The following MYO10 variants were observed in gnomAD, a reference collection of about 807,000 sequenced individuals.
The protein encoded by MYO10 is myosin X.
A neutral mutation model predicts 257.3 loss-of-function variants in MYO10; 133 were observed. That is an observed-to-expected ratio of 0.52 (90% CI 0.45 to 0.60). The LOEUF is 0.60. MYO10 is among the 20% of genes least tolerant of loss of function. MYO10 has a pLI of 0.00. For synonymous variants in MYO10, 1,104 were observed against 1,028.6 expected (o/e 1.07, Z -1.40); for missense variants, 2,399 against 2,635.7 (o/e 0.91, Z 1.97).
chr5:16,874,261 G>A (rs1168514914), intron 2 of MYO10, among the ~76,000 whole-genome samples: 1 of 148,286 alleles, frequency 6.7e-6, no homozygotes, highest in Non-Finnish European at 1.5e-5. Context: ...GTGAACCCGG[G>A]ACGTAGAGCT....
At chr5:16,784,312 AG>A (rs1289569564) in intron 4 of MYO10, among the ~76,000 whole-genome samples, 4 of 152,240 alleles carry the variant, frequency 2.6e-5, no homozygotes, top group Non-Finnish European at 2.9e-5. Flanking sequence ...GATGCTTCAG[AG>A]GCAAGTGCAG....
rs74380883 is a variant in MYO10 at position 16,917,379 on chromosome 5, A to C, written c.21+18409T>G. 2.8e-4 allele frequency among the ~76,000 whole-genome samples: 42 copies of C among 152,268 alleles called. 1 individual carries two copies. The East Asian group carries it at 5.6e-3, about 20-fold the overall frequency. On this transcript the variant is annotated intron_variant, in intron 1 of 40. Transcript: ENST00000513610. ...ACTATTGACCTATTAGACTGGATCAATCTTCATTGTGGGGGCTGCCCTCTG... is the reference window on the plus strand; with the variant it reads ...ACTATTGACCTATTAGACTGGATCACTCTTCATTGTGGGGGCTGCCCTCTG...
Position 16,771,811 on chromosome 5 carries a change from G to A in MYO10, c.931-2608C>T, listed in dbSNP as rs186548637. 2.6e-3 allele frequency among the ~76,000 whole-genome samples: 390 copies of A among 151,256 alleles called. 1 individual carries two copies. Among genetic ancestry groups the A allele is most frequent in the African/African-American group, 9.1e-3 (378 of 41,316 alleles). ...GCCCAAGCCAGTCTCAAACTCCTGCGCTCAAGCAATCTGCCCACCTAGGTC... is the reference window on the plus strand; with the variant it reads ...GCCCAAGCCAGTCTCAAACTCCTGCACTCAAGCAATCTGCCCACCTAGGTC... On this transcript the variant is annotated intron_variant, in intron 9 of 40. Transcript: ENST00000513610.
chr5:16,675,979 G>A (rs1335441587), intron 34 of MYO10, 52 bp downstream of exon 34: 3 of 1,558,338 alleles, frequency 1.9e-6, no homozygotes, highest in Non-Finnish European at 2.6e-6. Flanking sequence ...AGAGTTAGCA[G>A]GGCAAGTGGA....
At chr5:16,668,130 TG>T in intron 40 of MYO10, 146 bp downstream of exon 40, 1 of 785,876 alleles carries the variant, frequency 1.3e-6, no homozygotes, top group Non-Finnish European at 1.9e-6. Flanking sequence ...AACCGGCAGC[TG>T]GAAAGGGACC....
At chr5:16,899,947 G>A (rs1347296568) in intron 1 of MYO10, among the ~76,000 whole-genome samples, 3 of 133,916 alleles carry the variant, frequency 2.2e-5, no homozygotes, top group African/African-American at 5.6e-5. Flanking sequence ...GCAGTGAGCA[G>A]AGATCGCAGC....
At chr5:16,865,617 C>T (rs1157429630) in intron 2 of MYO10, among the ~76,000 whole-genome samples, 6 of 151,968 alleles carry the variant, frequency 3.9e-5, no homozygotes, top group Non-Finnish European at 8.8e-5. Flanking sequence ...TCAAGACCAG[C>T]GTGACCAATA....
At chr5:16,830,795 G>T (rs925515076) in intron 2 of MYO10, among the ~76,000 whole-genome samples, 2 of 151,874 alleles carry the variant, frequency 1.3e-5, no homozygotes, top group African/African-American at 4.8e-5. Context: ...ATAGGCAAAA[G>T]CTGAAAAAGC....
intron 19 of MYO10, among the ~76,000 whole-genome samples, chr5:16,744,154 G>C (rs947022841): frequency 1.1e-4 from 16 of 152,124 alleles, no homozygotes; most frequent in African/African-American, 3.9e-4. Flanking sequence ...TCTTAAAACA[G>C]TTAGATTTTC....
At chr5:16,893,295 A>ATGCCTCTT (rs780621095) in intron 1 of MYO10, among the ~76,000 whole-genome samples, 42 of 151,768 alleles carry the variant, frequency 2.8e-4, no homozygotes, top group Non-Finnish European at 5.6e-4. Flanking sequence ...AATGACATAA[A>ATGCCTCTT]TGCCTCTTTG....
chr5:16,676,287 G>T, intron 33 of MYO10, 133 bp from the exon 34 acceptor site: 1 of 996,092 alleles, frequency 1.0e-6, no homozygotes, highest in Non-Finnish European at 1.5e-6. Context: ...GTGGTTTCAT[G>T]GACGAAGATA....
At chr5:16,860,762 G>A (rs1744084460) in intron 2 of MYO10, among the ~76,000 whole-genome samples, 1 of 152,078 alleles carries the variant, frequency 6.6e-6, no homozygotes, top group Non-Finnish European at 1.5e-5. Flanking sequence ...ATGGGTGGGT[G>A]GAGGGGTGGA....
intron 19 of MYO10, among the ~76,000 whole-genome samples, chr5:16,725,819 G>A (rs1370168306): frequency 6.9e-6 from 1 of 145,334 alleles, no homozygotes; most frequent in Non-Finnish European, 1.5e-5. Context: ...GCGGAGTCTA[G>A]CTCTGTCACC....
Position 16,670,387 on chromosome 5 carries a change from C to T in MYO10, c.5883+139G>A, listed in dbSNP as rs1736389161. On this transcript the variant is annotated intron_variant, in intron 39 of 40. Coordinates refer to ENST00000513610, the MANE Select transcript of MYO10 (RefSeq NM_012334.3). ...GAGGAGAAGGGAGGCGTTAATGGTA[C>T]AATTCTGGGGGCTCGAATAAAAGAG... 5 of 665,718 alleles carry T rather than the reference C, an allele frequency of 7.5e-6. No individual in the cohort carries two copies. In the East Asian group the frequency reaches 8.2e-5, roughly 11 times the overall value. The allele number at this position is 665,718 out of a possible 1,614,324, so 41.2% of individuals were successfully genotyped here.
chr5:16,863,549 CATA>C (rs990734238), intron 2 of MYO10, among the ~76,000 whole-genome samples: 21 of 152,304 alleles, frequency 1.4e-4, no homozygotes, highest in African/African-American at 5.1e-4. Flanking sequence ...AAACGTAGCT[CATA>C]ATGTTTGCCA....
chr5:16,882,179 C>A (rs1744771385), intron 1 of MYO10, among the ~76,000 whole-genome samples: 1 of 152,154 alleles, frequency 6.6e-6, no homozygotes, highest in African/African-American at 2.4e-5. Context: ...TCCTATAAGA[C>A]AGAGAGGCAA....
At position 16,674,836 on chromosome 5, in the gene MYO10, G is replaced by C. The variant is rs148583351; in HGVS notation, c.4964+17C>G. 1.2e-6 allele frequency: 2 copies of C among 1,612,984 alleles called. No homozygotes were observed. Among genetic ancestry groups the C allele is most frequent in the African/African-American group, 2.7e-5 (2 of 74,840 alleles). ...AGCAGCTCTGCCCAGCTCATCTCCC[G>C]TGCCCCCATGCTTTACCTTTTCAGA... On this transcript the variant is annotated intron_variant, in intron 35 of 40. Transcript: ENST00000513610.
intron 3 of MYO10, chr5:16,815,480 C>T: frequency 1.4e-6 from 1 of 695,082 alleles, no homozygotes. Flanking sequence ...GAGACATACA[C>T]CAATAAAAAA....
At chr5:16,887,067 C>T (rs968207750) in intron 1 of MYO10, among the ~76,000 whole-genome samples, 2 of 151,966 alleles carry the variant, frequency 1.3e-5, no homozygotes, top group African/African-American at 4.8e-5. Context: ...GTGCTCATTA[C>T]CATAAAGTTC....
Sources: gnomAD v4.1 joint callset for allele counts (sites outside exome capture counted in the v4.1 genomes callset) on GRCh38, gnomAD v4.1.1 for gene constraint, MANE v1.5 for transcripts, NCBI Gene and HGNC (gene_info 2026-07-23, HGNC 2026-07-21) for gene names.